DNAH5: variants seen among roughly 807,000 people sequenced by gnomAD.
The protein encoded by DNAH5 is axonemal beta dynein heavy chain 5.
Under a neutral mutation model 518.2 loss-of-function variants are expected in DNAH5, and 372 were observed. That is an observed-to-expected ratio of 0.72 (90% CI 0.66 to 0.78). The LOEUF is 0.78. DNAH5 is among the 30% of genes least tolerant of loss of function. The pLI, the probability that DNAH5 is intolerant of heterozygous loss-of-function variation, is 0.00. For synonymous variants in DNAH5, 2,039 were observed against 2,025.9 expected (o/e 1.01, Z -0.17); for missense variants, 5,523 against 5,687.0 (o/e 0.97, Z 0.93).
intron 76 of DNAH5, among the ~76,000 whole-genome samples, chr5:13,704,819 T>C (rs1213132849): frequency 2.0e-5 from 3 of 152,104 alleles, no homozygotes; most frequent in Admixed American, 6.5e-5. Context: ...CTGAAAGAGT[T>C]GAACTCATAG....
intron 51 of DNAH5, among the ~76,000 whole-genome samples, chr5:13,786,639 T>C (rs1401368649): frequency 6.6e-6 from 1 of 152,152 alleles, no homozygotes. Flanking sequence ...ATTTCAAAGG[T>C]CCTCCCAGAT....
chr5:13,887,111 C>T (rs1772546780), intron 17 of DNAH5, among the ~76,000 whole-genome samples: 1 of 152,220 alleles, frequency 6.6e-6, no homozygotes, highest in African/African-American at 2.4e-5. Context: ...TCTGACTCTA[C>T]CTTGGAGAGA....
intron 29 of DNAH5, among the ~76,000 whole-genome samples, chr5:13,861,408 T>C (rs890891798): frequency 6.6e-6 from 1 of 152,226 alleles, no homozygotes; most frequent in Non-Finnish European, 1.5e-5. Context: ...ATTTCCAACA[T>C]TAAAAGTATT....
chr5:13,719,406 T>C (rs1429075984), intron 71 of DNAH5, among the ~76,000 whole-genome samples: 1 of 152,156 alleles, frequency 6.6e-6, no homozygotes. Context: ...ATTGAAAACA[T>C]CCATTTAACT....
rs1246376656 is a variant in DNAH5 at position 13,865,691 on chromosome 5, A to G, written c.4332T>C (p.Asn1444=). 9 of 1,585,404 alleles carry G rather than the reference A, an allele frequency of 5.7e-6. No homozygotes were observed. In the Admixed American group the frequency reaches 1.0e-4, roughly 18 times the overall value. Reference sequence around the variant, plus strand: ...ACCTGTTCTGGAATTCTAAGAGTTCATTGTTAATTTTTTCAATATTCACCT... The same window carrying G: ...ACCTGTTCTGGAATTCTAAGAGTTCGTTGTTAATTTTTTCAATATTCACCT... The part of the protein sequence containing the change: ...WSEVNIEKIN[N]ELLEFQNRCR... Residue 1444 remains asparagine, a synonymous_variant, in exon 27 of 79, where the codon AAT becomes AAC. Transcript: ENST00000265104.
intron 70 of DNAH5, among the ~76,000 whole-genome samples, chr5:13,727,060 G>C (rs952323545): frequency 6.6e-6 from 1 of 152,096 alleles, no homozygotes; most frequent in African/African-American, 2.4e-5. Flanking sequence ...CATTTTTCTG[G>C]GGAAATGACT....
chr5:13,864,777 TC>T (rs1768980413), intron 27 of DNAH5, 140 bp from the exon 28 acceptor site: 1 of 910,696 alleles, frequency 1.1e-6, no homozygotes. Flanking sequence ...TTGCAGGCTG[TC>T]TGTTCATATA....
chr5:13,793,962 G>T lies in DNAH5; in HGVS notation c.7984C>A (p.Pro2662Thr), dbSNP rs1757436851. 1.9e-6 allele frequency: 3 copies of T among 1,613,610 alleles called. No individual in the cohort carries two copies. Among genetic ancestry groups the T allele is most frequent in the African/African-American group, 2.7e-5 (2 of 74,826 alleles). The change falls in exon 48 of 79, where the codon CCA becomes ACA. Residue 2662 changes from proline to threonine, a missense_variant. By Grantham distance (38) the Pro-to-Thr change is conservative. Coordinates refer to ENST00000265104, the MANE Select transcript of DNAH5 (RefSeq NM_001369.3). ...MTVFIDDVNM[P>T]IINEWGDQVT... Reference sequence around the variant, plus strand: ...TGATCTCCCCACTCATTGATTATTGGCATATTCACATCATCAATAAAAACA... The same window carrying T: ...TGATCTCCCCACTCATTGATTATTGTCATATTCACATCATCAATAAAAACA...
intron 35 of DNAH5, 55 bp downstream of exon 35, chr5:13,839,301 C>T (rs775094537): frequency 3.8e-6 from 6 of 1,564,910 alleles, no homozygotes; most frequent in Non-Finnish European, 5.3e-6. Context: ...CAAAAATCCC[C>T]TGAGCAACTC....
chr5:13,720,599 C>T (rs758068216), intron 71 of DNAH5, among the ~76,000 whole-genome samples: 20 of 152,062 alleles, frequency 1.3e-4, no homozygotes, highest in Non-Finnish European at 2.5e-4. Context: ...GTCTTGAACT[C>T]CTGAGCTCAA....
At position 13,885,133 on chromosome 5, in the gene DNAH5, C is replaced by A; in HGVS notation, c.2839G>T (p.Glu947Ter). 6.2e-7 allele frequency: 1 copy of A among 1,614,234 alleles called. No homozygotes were observed. Residue 947 changes from glutamate (E) to a stop codon, truncating the protein, a stop_gained, in exon 19 of 79, where the codon GAA becomes TAA. Coordinates refer to ENST00000265104, the MANE Select transcript of DNAH5 (RefSeq NM_001369.3). LOFTEE classifies it high-confidence loss of function. ...GCTTCTTCCCCTAACATCTCAGTTT[C>A]TTTCTTTTTCCTCGTGACTGTCGTC... ...LLTTVTRKKK[E>*]TEMLGEEARE...
chr5:13,729,667 T>G (rs568762734), intron 68 of DNAH5, 107 bp from the exon 69 acceptor site: 2 of 975,748 alleles, frequency 2.0e-6, no homozygotes, highest in South Asian at 3.4e-5. Flanking sequence ...CTACTTTCAC[T>G]TTTTTAAGCA....
At chr5:13,716,210 T>G (rs1744260177) in intron 74 of DNAH5, among the ~76,000 whole-genome samples, 1 of 151,946 alleles carries the variant, frequency 6.6e-6, no homozygotes, top group Admixed American at 6.6e-5. Flanking sequence ...TAAATCTGCC[T>G]AATCTATCAT....
rs749683241 is a variant in DNAH5 at position 13,885,022 on chromosome 5, G to A, written c.2950C>T (p.Arg984Cys). ...TRNTLEAIRK[R>C]IHSSHTINFR... ...TTAATTGTGTGAGAGGAATGAATAC[G>A]TTTGCGAATGGCCTCTAGTGTATTC... Residue 984 changes from arginine (R) to cysteine (C), a missense_variant, in exon 19 of 79, where the codon CGT (arginine) becomes TGT (cysteine). By Grantham distance (180) the Arg-to-Cys change is radical (BLOSUM62 -3). Around this residue, in one of 3 missense-constraint regions of DNAH5, gnomAD observed 5,121 missense variants for 5,223.3 expected, o/e 0.98. Transcript: ENST00000265104. 26 of 1,614,096 alleles carry A rather than the reference G, an allele frequency of 1.6e-5. No individual in the cohort carries two copies. Among genetic ancestry groups the A allele is most frequent in the East Asian group, 4.5e-5 (2 of 44,888 alleles).
At chr5:13,919,676 C>A (rs1242982281) in intron 6 of DNAH5, among the ~76,000 whole-genome samples, 2 of 151,892 alleles carry the variant, frequency 1.3e-5, no homozygotes, top group Non-Finnish European at 2.9e-5. Context: ...TTATGGGGTA[C>A]ATGTGAGTAT....
intron 1 of DNAH5, among the ~76,000 whole-genome samples, chr5:14,004,924 T>C (rs418173): frequency 0.74 from 112,723 of 151,914 alleles, 42,154 homozygotes; most frequent in East Asian, 0.97. Context: ...TTGTCTCTCC[T>C]TCTCTTGGCC....
intron 29 of DNAH5, among the ~76,000 whole-genome samples, chr5:13,861,886 G>A (rs955019018): frequency 7.1e-6 from 1 of 140,700 alleles, no homozygotes. Flanking sequence ...CAGGGAGGCT[G>A]AGGTTTCAGT....
intron 68 of DNAH5, among the ~76,000 whole-genome samples, chr5:13,731,137 C>T (rs1746486807): frequency 6.6e-6 from 1 of 152,172 alleles, no homozygotes; most frequent in Non-Finnish European, 1.5e-5. Context: ...ATCCAGGCAC[C>T]ATGTACACTA....
intron 65 of DNAH5, among the ~76,000 whole-genome samples, chr5:13,749,312 A>G (rs1749877478): frequency 1.3e-5 from 2 of 152,210 alleles, no homozygotes; most frequent in African/African-American, 2.4e-5. Context: ...CTGTGAGCCC[A>G]GAACAGATTC....
Sources: allele counts gnomAD v4.1 joint callset (sites outside exome capture counted in the v4.1 genomes callset), GRCh38; gene constraint gnomAD v4.1.1; regional missense constraint gnomAD v4.1.1; transcripts MANE v1.5; gene names NCBI Gene and HGNC (gene_info 2026-07-23, HGNC 2026-07-21).